SCHIP1: variants seen among roughly 807,000 people sequenced by gnomAD.
SCHIP1 encodes schwannomin interacting protein 1, also known as schwannomin-interacting protein 1.
In SCHIP1, 8 loss-of-function variants were observed where a neutral mutation model predicts 29.7. The ratio of observed to expected loss-of-function variants is 0.27; its 90% CI spans 0.16 to 0.49. The LOEUF is 0.49. Ranked by LOEUF, SCHIP1 falls within the 20% of genes least tolerant of loss-of-function variation. The pLI is 0.99. For missense variants in SCHIP1, 193 were observed against 294.6 expected (o/e 0.66, Z 2.52); for synonymous variants, 76 against 94.9 (o/e 0.80, Z 1.16).
the SCHIP1 span, among the ~76,000 whole-genome samples, chr3:159,466,249 G>C: frequency 1.3e-5 from 2 of 152,076 alleles, no homozygotes; most frequent in Non-Finnish European, 2.9e-5. Context: ...TGGGACTACA[G>C]GGGAGGTGGG....
chr3:159,530,658 G>A, the SCHIP1 span, among the ~76,000 whole-genome samples: 531 of 152,198 alleles, frequency 3.5e-3, 2 homozygotes, highest in African/African-American at 0.012. Flanking sequence ...AGTGCTCCAC[G>A]GAAATAAGAG....
the SCHIP1 span, among the ~76,000 whole-genome samples, chr3:159,555,918 G>T: frequency 6.6e-6 from 1 of 152,138 alleles, no homozygotes; most frequent in Non-Finnish European, 1.5e-5. Flanking sequence ...GGCCTGTTGA[G>T]GGGTGGAGGG....
the SCHIP1 span, among the ~76,000 whole-genome samples, chr3:159,767,635 A>G: frequency 6.6e-6 from 1 of 152,208 alleles, no homozygotes; most frequent in South Asian, 2.1e-4. Context: ...TCTCTTCACC[A>G]AGTAAGCCTA....
At chr3:159,682,957 G>A in the SCHIP1 span, among the ~76,000 whole-genome samples, 7 of 152,090 alleles carry the variant, frequency 4.6e-5, no homozygotes, top group Non-Finnish European at 1.0e-4. Context: ...TTTGATCTTC[G>A]GACCACTTAC....
the SCHIP1 span, among the ~76,000 whole-genome samples, chr3:159,699,630 A>G: frequency 1.2e-3 from 190 of 152,302 alleles, no homozygotes; most frequent in African/African-American, 4.5e-3. Context: ...TGGATATGGG[A>G]AGATGAGCAG....
At chr3:159,479,827 G>A in the SCHIP1 span, among the ~76,000 whole-genome samples, 6 of 152,144 alleles carry the variant, frequency 3.9e-5, no homozygotes, top group Non-Finnish European at 8.8e-5. Context: ...GAACTAATAT[G>A]CACTCATGGA....
the SCHIP1 span, among the ~76,000 whole-genome samples, chr3:159,521,570 C>A: frequency 6.6e-6 from 1 of 152,220 alleles, no homozygotes; most frequent in Non-Finnish European, 1.5e-5. Context: ...TGCCTTCACT[C>A]ATTTGTATTA....
At position 159,861,627 on chromosome 3, in the gene SCHIP1, T is replaced by G. The variant is rs1714070119; in HGVS notation, c.31-4536T>G. ...TTCCTGGGGCTGAATAGCGGTGAGTTTCTAATCACATTTTTACTTTCATCT... is the reference window on the plus strand; with the variant it reads ...TTCCTGGGGCTGAATAGCGGTGAGTGTCTAATCACATTTTTACTTTCATCT... On this transcript the variant is annotated intron_variant, in intron 1 of 6. Transcript: ENST00000445224. The surrounding 1 kb of genome is among the most constrained non-coding windows in gnomAD (Gnocchi z 4.1). Among the ~76,000 whole-genome samples the G allele has an allele frequency of 6.6e-6, 1 of 152,184 alleles. No individual in the cohort carries two copies. Among genetic ancestry groups the G allele is most frequent in the Non-Finnish European group, 1.5e-5 (1 of 68,024 alleles).
chr3:159,785,969 A>G, the SCHIP1 span, among the ~76,000 whole-genome samples: 110 of 152,316 alleles, frequency 7.2e-4, no homozygotes, highest in Non-Finnish European at 1.2e-3. Flanking sequence ...TTTTTGTTGT[A>G]TGTGTATTTT....
chr3:159,514,544 TGAA>T, the SCHIP1 span, among the ~76,000 whole-genome samples: 2 of 152,372 alleles, frequency 1.3e-5, no homozygotes, highest in South Asian at 2.1e-4. Context: ...TCATTGCCGA[TGAA>T]GAAGTGCAGT....
At chr3:159,740,952 G>A in the SCHIP1 span, among the ~76,000 whole-genome samples, 5 of 151,982 alleles carry the variant, frequency 3.3e-5, no homozygotes, top group South Asian at 2.1e-4. Context: ...CAAGCTCTTC[G>A]ACACTCCCCT....
At chr3:159,804,967 ACT>A in the SCHIP1 span, among the ~76,000 whole-genome samples, 1 of 151,988 alleles carries the variant, frequency 6.6e-6, no homozygotes, top group Non-Finnish European at 1.5e-5. Context: ...ACTTCCAAGA[ACT>A]CTCTCAAAAG....
the SCHIP1 span, among the ~76,000 whole-genome samples, chr3:159,312,942 G>A: frequency 1.3e-5 from 2 of 152,298 alleles, no homozygotes; most frequent in East Asian, 3.9e-4. Context: ...TGCTTTTGCA[G>A]ATCCTTGCAT....
chr3:159,796,293 A>C, the SCHIP1 span, among the ~76,000 whole-genome samples: 11 of 152,144 alleles, frequency 7.2e-5, no homozygotes, highest in African/African-American at 2.7e-4. Context: ...AAGAGAGAAC[A>C]GCAGAAATAC....
the SCHIP1 span, among the ~76,000 whole-genome samples, chr3:159,278,691 A>G: frequency 1.3e-5 from 2 of 152,212 alleles, no homozygotes; most frequent in African/African-American, 2.4e-5. Context: ...TCAAGGGGTC[A>G]ATATCAAGTC....
chr3:159,410,558 C>A, the SCHIP1 span, among the ~76,000 whole-genome samples: 1 of 152,056 alleles, frequency 6.6e-6, no homozygotes, highest in Non-Finnish European at 1.5e-5. Flanking sequence ...CAGAGAAATG[C>A]AAATCAAAAC....
the SCHIP1 span, among the ~76,000 whole-genome samples, chr3:159,279,374 T>C: frequency 6.6e-6 from 1 of 152,222 alleles, no homozygotes; most frequent in Admixed American, 6.5e-5. Flanking sequence ...TGTGAGTTCA[T>C]GAAACCTCTT....
the SCHIP1 span, among the ~76,000 whole-genome samples, chr3:159,832,292 T>A: frequency 1.3e-5 from 2 of 152,144 alleles, no homozygotes; most frequent in African/African-American, 4.8e-5. Context: ...ATATCTTCAG[T>A]CCCAAGACTG....
the SCHIP1 span, among the ~76,000 whole-genome samples, chr3:159,779,522 A>G: frequency 6.7e-6 from 1 of 149,762 alleles, no homozygotes; most frequent in Middle Eastern, 3.2e-3. Context: ...AAAAAAAAAA[A>G]GTTAGCTGGT....
Sources: allele counts gnomAD v4.1 joint callset (sites outside exome capture counted in the v4.1 genomes callset), GRCh38; gene constraint gnomAD v4.1.1; non-coding constraint Gnocchi (gnomAD v3.1); transcripts MANE v1.5; gene names NCBI Gene and HGNC (gene_info 2026-07-23, HGNC 2026-07-21).